ZNF668: variants seen among roughly 807,000 people sequenced by gnomAD.
ZNF668 encodes the protein zinc finger protein 668.
Under a neutral mutation model 40.3 loss-of-function variants are expected in ZNF668, and 10 were observed. The ratio of observed to expected loss-of-function variants is 0.25; its 90% CI spans 0.15 to 0.42. ZNF668 has a LOEUF of 0.42. Among genes scored for constraint, ZNF668 ranks in the 10% least tolerant of loss-of-function variants. The pLI, the probability that ZNF668 is intolerant of heterozygous loss-of-function variation, is 1.00. For missense variants in ZNF668, 749 were observed against 904.6 expected, an observed-to-expected ratio of 0.83 and a Z score of 2.21; for synonymous variants, 428 against 384.6, an observed-to-expected ratio of 1.11 and a Z score of -1.32.
At chr16:31,065,031 T>G (rs1596754585) in intron 1 of ZNF668, 1 of 1,107,894 alleles carries the variant, frequency 9.0e-7, no homozygotes, top group Non-Finnish European at 1.1e-6. Flanking sequence ...ACAGCAACTG[T>G]TCACACAGAA....
chr16:31,068,239 A>AAAAAAAATATATATAT (rs1473353128), intron 1 of ZNF668, among the ~76,000 whole-genome samples: 5 of 82,988 alleles, frequency 6.0e-5, no homozygotes, highest in African/African-American at 2.5e-4. Flanking sequence ...AAAAAAAAAA[A>AAAAAAAATATATATAT]ATATATATAT....
intron 1 of ZNF668, among the ~76,000 whole-genome samples, chr16:31,070,743 T>C (rs1244928219): frequency 6.6e-6 from 1 of 151,958 alleles, no homozygotes; most frequent in Non-Finnish European, 1.5e-5. Flanking sequence ...AGTTTCACCA[T>C]GTTGGCCAGG....
In ZNF668 at chr16:31,063,825, CG is replaced by C; in HGVS notation, c.634del (p.Arg212AlafsTer94). On this transcript the variant is annotated frameshift_variant, in exon 2 of 3. Coordinates refer to ENST00000300849, the MANE Select transcript of ZNF668 (RefSeq NM_024706.5). LOFTEE classifies it high-confidence loss of function. ...GKAYAELKDLRNHERSHTGER... is the reference protein window; with the variant it reads ...GKAYAELKDLXNHERSHTGER... ...AAGGCACCCTCACCGCTCATGGTTG[CG>C]GAGGTCCTTGAGCTCCGCATAGGCT... is the stretch of plus-strand genomic sequence containing the variant. The C allele has an allele frequency of 6.4e-7, 1 of 1,574,064 alleles. No homozygotes were observed. The highest frequency in any genetic ancestry group is 1.7e-5 in the Admixed American group (1 of 57,286).
Position 31,064,009 on chromosome 16 carries a change from C to T in ZNF668, c.451G>A (p.Ala151Thr), listed in dbSNP as rs919271870. 13 of 1,607,986 alleles carry T rather than the reference C, an allele frequency of 8.1e-6. No individual in the cohort carries two copies. The highest frequency in any genetic ancestry group is 1.0e-5 in the Non-Finnish European group (12 of 1,176,058). Residue 151 changes from alanine to threonine, a missense_variant, in exon 2 of 3, where the codon GCG becomes ACG. Around this residue, in one of 4 missense-constraint regions of ZNF668, gnomAD observed 151 missense variants for 178.6 expected, o/e 0.85. Transcript: ENST00000300849. ...TGGTGGATCTTGAGCTTGGAGAGCG[C>T]GCCATAGGCCTTCGGGCAGTGCGCA... ...RCAHCPKAYG[A>T]LSKLKIHQRG...
chr16:31,070,177 C>G (rs1474411858), intron 1 of ZNF668, among the ~76,000 whole-genome samples: 1 of 151,188 alleles, frequency 6.6e-6, no homozygotes, highest in Non-Finnish European at 1.5e-5. Context: ...CTCGGCCTCC[C>G]AGAGTGCTGG....
At chr16:31,070,139 C>T (rs28814987) in intron 1 of ZNF668, among the ~76,000 whole-genome samples, 60,078 of 150,676 alleles carry the variant, frequency 0.4, 12,354 homozygotes, top group South Asian at 0.71. Flanking sequence ...AGGATGGTCT[C>T]GATCTATTGA....
chr16:31,072,811 T>C (rs1329520919), intron 1 of ZNF668: 1 of 152,362 alleles, frequency 6.6e-6, no homozygotes, highest in Non-Finnish European at 1.5e-5. Context: ...CAATTCTCAA[T>C]CCTCCACCTC....
intron 1 of ZNF668, 149 bp from the exon 2 acceptor site, chr16:31,064,630 T>C (rs1422846980): frequency 6.5e-7 from 1 of 1,537,006 alleles, no homozygotes. Context: ...CTGCGTTCGT[T>C]TCCTCCCTGA....
intron 1 of ZNF668, among the ~76,000 whole-genome samples, chr16:31,072,540 C>T (rs1433067051): frequency 1.3e-5 from 2 of 152,190 alleles, no homozygotes; most frequent in African/African-American, 4.8e-5. Context: ...ATTCAATTTC[C>T]AAAAATCCTA....
intron 2 of ZNF668, 33 bp downstream of exon 2, chr16:31,063,780 C>T (rs2056955700): frequency 4.6e-6 from 7 of 1,508,694 alleles, no homozygotes; most frequent in South Asian, 2.6e-5. Flanking sequence ...CGCCCTGCCC[C>T]GGAAGGCGCC....
chr16:31,061,510 T>C lies in ZNF668; in HGVS notation c.1418A>G (p.Gln473Arg), dbSNP rs928440478. The C allele has an allele frequency of 6.2e-7, 1 of 1,612,768 alleles. No individual in the cohort carries two copies. The highest frequency in any genetic ancestry group is 8.5e-7 in the Non-Finnish European group (1 of 1,179,968). ...CACCGTCATGCCCACCACCTGCCAC[T>C]GTGTGGCCATCACACCACCTGACTC... ...PPESGGVMAT[Q>R]WQVVGMTVEH... Residue 473 changes from glutamine (Q) to arginine (R), a missense_variant, in exon 3 of 3, where the codon CAG becomes CGG. By Grantham distance (43) the Gln-to-Arg change is conservative. Transcript: ENST00000300849. This position sits in a 1 kb window ranked among gnomAD's most constrained non-coding sequence, Gnocchi z 7.7.
At chr16:31,069,726 TC>T (rs1414006044) in intron 1 of ZNF668, among the ~76,000 whole-genome samples, 2 of 151,298 alleles carry the variant, frequency 1.3e-5, no homozygotes, top group Non-Finnish European at 2.9e-5. Flanking sequence ...TGCCTCAGCC[TC>T]CTAAGTAGCT....
At chr16:31,069,568 A>T (rs1023823353) in intron 1 of ZNF668, among the ~76,000 whole-genome samples, 2 of 145,268 alleles carry the variant, frequency 1.4e-5, no homozygotes, top group East Asian at 1.9e-4. Context: ...AATATTCCAA[A>T]TTTTTTCCTT....
intron 1 of ZNF668, chr16:31,064,941 T>C: frequency 4.5e-6 from 6 of 1,343,574 alleles, no homozygotes; most frequent in Non-Finnish European, 5.7e-6. Context: ...GGGCTAAATC[T>C]GGTAGCTGGC....
chr16:31,068,239 AATATATATAT>A lies in ZNF668; in HGVS notation c.-22-3768_-22-3759del, dbSNP rs869069195. ...CACCATTAAAAAAAAAAAAAAAAAA[AATATATATAT>A]ATATATATATATATATAATTTTTGA... is the stretch of plus-strand genomic sequence containing the variant. On this transcript the variant is annotated intron_variant, in intron 1 of 2. Transcript: ENST00000300849. Among the ~76,000 whole-genome samples the A allele has an allele frequency of 7.4e-4, 61 of 82,982 alleles. 2 individuals carry two copies. The highest frequency in any genetic ancestry group is 3.0e-3 in the African/African-American group (59 of 19,922). The allele number at this position is 82,982 out of a possible 152,430, so 54.4% of individuals were successfully genotyped here.
chr16:31,065,668 A>G (rs1251731786), intron 1 of ZNF668: 1 of 152,144 alleles, frequency 6.6e-6, no homozygotes, highest in Non-Finnish European at 1.5e-5. Flanking sequence ...CCTGGCTAAC[A>G]CAGTGAAACC....
At position 31,073,975 on chromosome 16, in the gene ZNF668, C is replaced by T. The variant is rs2057042061; in HGVS notation, c.-339G>A. ...GGGGCCAGGTCACCGGCAATGTCTT[C>T]AAGAACCAGAAGGTGGGAGGACAAA... On this transcript the variant is annotated 5_prime_UTR_variant, in exon 1 of 3. Transcript: ENST00000300849. 6.6e-6 allele frequency: 1 copy of T among 152,298 alleles called. No homozygotes were observed. Among genetic ancestry groups the T allele is most frequent in the Non-Finnish European group, 1.5e-5 (1 of 68,094 alleles). 9.4% of individuals were successfully genotyped at this position (152,298 alleles called of 1,614,324 possible). A position where few individuals can be genotyped will look rare whatever the true frequency, so the allele number is the denominator to read the frequency against.
In ZNF668 at chr16:31,064,983, G is replaced by A. The variant is rs2056970819; in HGVS notation, c.-22-502C>T. The A allele has an allele frequency of 4.1e-6, 5 of 1,227,058 alleles. No individual in the cohort carries two copies. In the South Asian group the frequency reaches 8.4e-5, roughly 21 times the overall value. 76.0% of individuals were successfully genotyped at this position (1,227,058 alleles called of 1,614,324 possible). A position where few individuals can be genotyped will look rare whatever the true frequency, so the allele number is the denominator to read the frequency against. On this transcript the variant is annotated intron_variant, in intron 1 of 2. Transcript: ENST00000300849. Reference sequence around the variant, plus strand: ...TGGAAGTGACAGGTCCCCAGCATTTGTGTTTTCTTTCCTCCTCTGGATGGT... The same window carrying A: ...TGGAAGTGACAGGTCCCCAGCATTTATGTTTTCTTTCCTCCTCTGGATGGT...
Position 31,061,779 on chromosome 16 carries a change from G to T in ZNF668, c.1149C>A (p.Ser383Arg). 6.2e-7 allele frequency: 1 copy of T among 1,611,164 alleles called. No homozygotes were observed. ...AGGGGCGCTCCCCCGAGTGCACCCG[G>T]CTATGCTTCGTGAGGCTGGCACGCT... ...FAERASLTKHSRVHSGERPFH... is the reference protein window; with the variant it reads ...FAERASLTKHRRVHSGERPFH... The change falls in exon 3 of 3, where the codon AGC becomes AGA. Residue 383 changes from serine to arginine, a missense_variant. By Grantham distance (110) the Ser-to-Arg change is moderately radical (BLOSUM62 -1). Coordinates refer to ENST00000300849, the MANE Select transcript of ZNF668 (RefSeq NM_024706.5). The surrounding 1 kb of genome is among the most constrained non-coding windows in gnomAD (Gnocchi z 7.7).
Sources: allele counts gnomAD v4.1 joint callset (sites outside exome capture counted in the v4.1 genomes callset), GRCh38; gene constraint gnomAD v4.1.1; regional missense constraint gnomAD v4.1.1; non-coding constraint Gnocchi (gnomAD v3.1); transcripts MANE v1.5; gene names NCBI Gene and HGNC (gene_info 2026-07-23, HGNC 2026-07-21).